ACVRL1: variants seen among roughly 807,000 people sequenced by gnomAD.
The protein encoded by ACVRL1 is activin A receptor like type 1.
Under a neutral mutation model 51.9 loss-of-function variants are expected in ACVRL1, and 20 were observed. The observed-to-expected ratio is 0.39, with a 90% CI of 0.27 to 0.56. The LOEUF (loss-of-function observed/expected upper bound fraction) is 0.56. ACVRL1 is among the 20% of genes least tolerant of loss of function. ACVRL1 has a pLI of 0.67. For synonymous variants in ACVRL1, 288 were observed against 280.9 expected (o/e 1.03, Z -0.25); for missense variants, 451 against 670.3 (o/e 0.67, Z 3.61).
chr12:51,922,393 T>A lies in ACVRL1; in HGVS notation c.*1500T>A, dbSNP rs1326434951. ...GCCCCAGGACTGCAGGGCGGCTTCC[T>A]CCAAGGCTTCCAAGGCTCAAAAGAA... On this transcript the variant is annotated 3_prime_UTR_variant, in exon 10 of 10. Coordinates refer to ENST00000388922, the MANE Select transcript of ACVRL1 (RefSeq NM_000020.3). 6.6e-6 allele frequency: 1 copy of A among 152,232 alleles called. No homozygotes were observed. The highest frequency in any genetic ancestry group is 6.6e-5 in the Admixed American group (1 of 15,264). The allele number at this position is 152,232 out of a possible 1,614,324, so 9.4% of individuals were successfully genotyped here.
At chr12:51,908,034 C>T (rs3782479) in intron 1 of ACVRL1, among the ~76,000 whole-genome samples, 2 of 152,174 alleles carry the variant, frequency 1.3e-5, no homozygotes, top group Non-Finnish European at 2.9e-5. Flanking sequence ...AGGGATCACA[C>T]GTCCTCCAGG....
intron 7 of ACVRL1, 87 bp downstream of exon 7, chr12:51,915,587 G>A (rs1181164954): frequency 6.7e-7 from 1 of 1,485,502 alleles, no homozygotes; most frequent in Non-Finnish European, 9.0e-7. Flanking sequence ...CGGTGACCAT[G>A]ATTAGCACTT....
chr12:51,919,363 C>CTGTGTGTGTGTGTG (rs55945390), intron 9 of ACVRL1: 109 of 387,826 alleles, frequency 2.8e-4, no homozygotes, highest in African/African-American at 2.3e-3. Context: ...ATCTGTGGCT[C>CTGTGTGTGTGTGTG]TGTGTGTGTG....
rs944879931 is a variant in ACVRL1, at chr12:51,913,224, C to G, written c.187C>G (p.Pro63Ala). 2.5e-6 allele frequency: 4 copies of G among 1,590,052 alleles called. No individual in the cohort carries two copies. Among genetic ancestry groups the G allele is most frequent in the Admixed American group, 1.8e-5 (1 of 55,632 alleles). Reference protein sequence around the residue: ...VVLVREEGRHPQEHRGCGNLH... With the variant: ...VVLVREEGRHAQEHRGCGNLH... ...GCTGGTGCGGGAGGAGGGGAGGCAC[C>G]CCCAGGAACATCGGGGCTGCGGGAA... The change falls in exon 3 of 10, where the codon CCC becomes GCC. Residue 63 changes from proline (P) to alanine (A), a missense_variant. Pro to Ala is a conservative substitution (Grantham distance 27, BLOSUM62 -1). Transcript: ENST00000388922.
chr12:51,908,671 A>G (rs1940638663), intron 1 of ACVRL1, among the ~76,000 whole-genome samples: 1 of 152,218 alleles, frequency 6.6e-6, no homozygotes, highest in Non-Finnish European at 1.5e-5. Flanking sequence ...ATAACATTTC[A>G]GTGCTTACTG....
At position 51,917,721 on chromosome 12, in the gene ACVRL1, C is replaced by G. The variant is rs576897023; in HGVS notation, c.1247-1264C>G. ...GAGGTGCTTAGATTCCTCAAGACTC[C>G]GGGCATGAATTGCCAGAGTGGGCTC... On this transcript the variant is annotated intron_variant, in intron 8 of 9. Transcript: ENST00000388922. This position sits in a 1 kb window ranked among gnomAD's most constrained non-coding sequence, Gnocchi z 4.2. Among the ~76,000 whole-genome samples the G allele has an allele frequency of 6.6e-6, 1 of 152,076 alleles. No homozygotes were observed. Among genetic ancestry groups the G allele is most frequent in the Admixed American group, 6.6e-5 (1 of 15,264 alleles).
At chr12:51,914,324 T>C in intron 5 of ACVRL1, 115 bp from the exon 6 acceptor site, 1 of 1,474,388 alleles carries the variant, frequency 6.8e-7, no homozygotes, top group South Asian at 1.2e-5. Flanking sequence ...AACCTAAGGG[T>C]CTGGGGTTCT....
chr12:51,916,848 C>T (rs1940850603), intron 8 of ACVRL1, among the ~76,000 whole-genome samples: 1 of 152,188 alleles, frequency 6.6e-6, no homozygotes, highest in African/African-American at 2.4e-5. Context: ...GTGGCACACA[C>T]CTGTAATCCC....
chr12:51,908,226 G>C (rs1940632162), intron 1 of ACVRL1, among the ~76,000 whole-genome samples: 1 of 152,178 alleles, frequency 6.6e-6, no homozygotes, highest in African/African-American at 2.4e-5. Flanking sequence ...CCTTCCTTCA[G>C]GATCCAGGCC....
rs1940725967 is a variant in ACVRL1, at chr12:51,913,005, G to A, written c.62-94G>A. On this transcript the variant is annotated intron_variant, in intron 2 of 9. Coordinates refer to ENST00000388922, the MANE Select transcript of ACVRL1 (RefSeq NM_000020.3). ...AAGCTTCAAGGTGTTTGTCTGAGGG[G>A]TCAGACGAGAGGGACAGTAGGACAG... 6 of 1,513,970 alleles carry A rather than the reference G, an allele frequency of 4.0e-6. No individual in the cohort carries two copies. The Admixed American group carries it at 9.7e-5, about 25-fold the overall frequency. 93.8% of individuals were successfully genotyped at this position (1,513,970 alleles called of 1,614,324 possible).
chr12:51,909,472 C>G (rs558807406), intron 1 of ACVRL1, among the ~76,000 whole-genome samples: 6 of 152,038 alleles, frequency 3.9e-5, no homozygotes, highest in African/African-American at 1.4e-4. Context: ...CCAGCCTGGG[C>G]GACTGAGCAA....
intron 9 of ACVRL1, chr12:51,919,407 GAGAGTCAGGGTTT>G: frequency 2.2e-6 from 1 of 455,144 alleles, no homozygotes; most frequent in Non-Finnish European, 4.0e-6. Context: ...GTGTGTGTTT[GAGAGTCAGGGTTT>G]TGTTTGCTCT....
At position 51,913,627 on chromosome 12, in the gene ACVRL1, G is replaced by T. The variant is rs907161520; in HGVS notation, c.382G>T (p.Ala128Ser). ...QLALILGPVL[A>S]LLALVALGVL... The stretch of plus-strand genomic sequence containing the variant: ...GGCCCTGATCCTGGGCCCCGTGCTG[G>T]CCTTGCTGGCCCTGGTGGCCCTGGG... Residue 128 changes from alanine to serine, a missense_variant, in exon 4 of 10, where the codon GCC (alanine) becomes TCC (serine). This residue lies in a region of ACVRL1 where 192 missense variants were observed against 216.9 expected (regional missense o/e 0.89). Transcript: ENST00000388922. The T allele has an allele frequency of 1.2e-6, 2 of 1,604,268 alleles. No homozygotes were observed. The highest frequency in any genetic ancestry group is 1.7e-6 in the Non-Finnish European group (2 of 1,179,946).
chr12:51,915,204 A>G, intron 6 of ACVRL1, 21 bp from the exon 7 acceptor site: 1 of 1,613,544 alleles, frequency 6.2e-7, no homozygotes, highest in South Asian at 1.1e-5. Context: ...TGGCTGAGTC[A>G]CCCAACCTTT....
chr12:51,920,530 GT>G (rs1940948653), intron 9 of ACVRL1, among the ~76,000 whole-genome samples: 1 of 151,736 alleles, frequency 6.6e-6, no homozygotes, highest in Non-Finnish European at 1.5e-5. Flanking sequence ...GTCATCCTCT[GT>G]TCTCTCTCTC....
chr12:51,914,917 T>A (rs550827439), intron 6 of ACVRL1, among the ~76,000 whole-genome samples: 1 of 152,174 alleles, frequency 6.6e-6, no homozygotes, highest in South Asian at 2.1e-4. Flanking sequence ...CTAACTTTTT[T>A]ATTTTTTGTA....
Position 51,920,811 on chromosome 12 carries a change from C to T in ACVRL1, c.1430C>T (p.Ser477Phe), listed in dbSNP as rs1330003125. 6.2e-7 allele frequency: 1 copy of T among 1,614,112 alleles called. No homozygotes were observed. Among genetic ancestry groups the T allele is most frequent in the Non-Finnish European group, 8.5e-7 (1 of 1,180,034 alleles). ...CGGGAGTGCTGGTACCCAAACCCCT[C>T]TGCCCGACTCACCGCGCTGCGGATC... ...MMRECWYPNP[S>F]ARLTALRIKK... The change falls in exon 10 of 10, where the codon TCT (serine) becomes TTT (phenylalanine). Residue 477 changes from serine to phenylalanine, a missense_variant. Physicochemically the swap from Ser to Phe is radical, Grantham distance 155 (BLOSUM62 -2). Coordinates refer to ENST00000388922, the MANE Select transcript of ACVRL1 (RefSeq NM_000020.3).
At chr12:51,918,352 T>C (rs1940891754) in intron 8 of ACVRL1, among the ~76,000 whole-genome samples, 1 of 152,260 alleles carries the variant, frequency 6.6e-6, no homozygotes, top group Non-Finnish European at 1.5e-5. Flanking sequence ...TATCTGTTGA[T>C]CTTAGACAAG....
At chr12:51,910,366 A>G (rs749097759) in intron 1 of ACVRL1, among the ~76,000 whole-genome samples, 17 of 152,288 alleles carry the variant, frequency 1.1e-4, no homozygotes, top group African/African-American at 3.6e-4. Context: ...CGTTGTGCCC[A>G]CACAAACTGA....
Sources: gnomAD v4.1 joint callset for allele counts (sites outside exome capture counted in the v4.1 genomes callset) on GRCh38, gnomAD v4.1.1 for gene constraint, gnomAD v4.1.1 regional missense constraint, Gnocchi (gnomAD v3.1) non-coding constraint, MANE v1.5 for transcripts, NCBI Gene and HGNC (gene_info 2026-07-23, HGNC 2026-07-21) for gene names.